Variants in IARS1 observed in about 807,000 individuals in gnomAD.
IARS1 encodes isoleucyl-tRNA synthetase 1.
A neutral mutation model predicts 168.2 loss-of-function variants in IARS1; 124 were observed. The ratio of observed to expected loss-of-function variants is 0.74; its 90% confidence interval spans 0.64 to 0.86. The LOEUF (loss-of-function observed/expected upper bound fraction) is 0.86. Ranked by LOEUF, IARS1 falls within the 40% of genes least tolerant of loss-of-function variation. The pLI, the probability that IARS1 is intolerant of heterozygous loss-of-function variation, is 0.00. For missense variants in IARS1, 1,452 were observed against 1,515.8 expected, an observed-to-expected ratio of 0.96 and a Z score of 0.70; for synonymous variants, 532 against 529.4, an observed-to-expected ratio of 1.00 and a Z score of -0.07.
At chr9:92,271,392 T>C in intron 11 of IARS1, 141 bp downstream of exon 11, 1 of 1,055,194 alleles carries the variant, frequency 9.5e-7, no homozygotes, top group Non-Finnish European at 1.4e-6. Flanking sequence ...ACGTAACTGA[T>C]AACATCTGTC....
chr9:92,293,171 C>G (rs1232737721), intron 1 of IARS1, among the ~76,000 whole-genome samples: 3 of 152,156 alleles, frequency 2.0e-5, no homozygotes, highest in African/African-American at 7.2e-5. Context: ...AACATAGACT[C>G]CACAGGTATA....
At chr9:92,256,919 A>C (rs1830814250) in intron 19 of IARS1, 119 bp from the exon 20 acceptor site, 1 of 884,560 alleles carries the variant, frequency 1.1e-6, no homozygotes, top group Non-Finnish European at 1.6e-6. Flanking sequence ...CCCTACTGGC[A>C]ATGTGAATTT....
chr9:92,251,084 G>T (rs1450371708), intron 22 of IARS1: 1 of 530,640 alleles, frequency 1.9e-6, no homozygotes, highest in Admixed American at 2.2e-5. Context: ...AGAAACAGGA[G>T]CACCTAATGA....
chr9:92,221,769 C>T (rs905826957), intron 33 of IARS1, among the ~76,000 whole-genome samples: 1 of 152,144 alleles, frequency 6.6e-6, no homozygotes, highest in South Asian at 2.1e-4. Flanking sequence ...TCTAGCTCTT[C>T]ACAGTGTTAC....
rs911229752 is a variant in IARS1 at position 92,253,291 on chromosome 9, C to T, written c.2229+71G>A. The T allele has an allele frequency of 1.1e-5, 10 of 925,326 alleles. No individual in the cohort carries two copies. The South Asian group carries it at 1.3e-4, about 12-fold the overall frequency. 57.3% of individuals were successfully genotyped at this position (925,326 alleles called of 1,614,324 possible). On this transcript the variant is annotated intron_variant, in intron 21 of 33. Transcript: ENST00000443024. ...CTGAAAATGTTCCTCTCCCTTCTGG[C>T]TATTCTCATATTTCTTCTACTTTCA...
At chr9:92,253,127 T>C (rs1336676254) in intron 21 of IARS1, among the ~76,000 whole-genome samples, 2 of 152,186 alleles carry the variant, frequency 1.3e-5, no homozygotes, top group African/African-American at 2.4e-5. Flanking sequence ...CCCTCCAATA[T>C]GACATGTACA....
At position 92,221,297 on chromosome 9, in the gene IARS1, G is replaced by A. The variant is rs75149732; in HGVS notation, c.3706+1223C>T. On this transcript the variant is annotated intron_variant, in intron 33 of 33. Coordinates refer to ENST00000443024, the MANE Select transcript of IARS1 (RefSeq NM_002161.6). The stretch of plus-strand genomic sequence containing the variant: ...AGAATACCAGAGAGAATGAATAAGA[G>A]GTAAGTTGGACAAGATAATGTCTGG... 4.5e-3 allele frequency among the ~76,000 whole-genome samples: 670 copies of A among 149,368 alleles called. 4 individuals are homozygous for A. Among genetic ancestry groups the A allele is most frequent in the African/African-American group, 0.014 (579 of 40,602 alleles).
chr9:92,264,814 CT>C, intron 16 of IARS1, 114 bp downstream of exon 16: 2 of 920,824 alleles, frequency 2.2e-6, no homozygotes, highest in East Asian at 2.7e-5. Context: ...TGTAGCCTGT[CT>C]TATTTGCCAC....
Position 92,293,682 on chromosome 9 carries a change from C to G in IARS1, c.-79G>C. 3.7e-6 allele frequency: 1 copy of G among 273,446 alleles called. No homozygotes were observed. Among genetic ancestry groups the G allele is most frequent in the South Asian group, 3.6e-5 (1 of 27,578 alleles). The allele number at this position is 273,446 out of a possible 1,614,324, so 16.9% of individuals were successfully genotyped here. ...AAAAGCAACTCATCCGGCGTCCACG[C>G]TGCAACCGGGCGCACGGAGGTGATG... On this transcript the variant is annotated 5_prime_UTR_variant, in exon 1 of 34. Coordinates refer to ENST00000443024, the MANE Select transcript of IARS1 (RefSeq NM_002161.6).
At chr9:92,227,984 C>T (rs1349349114) in intron 31 of IARS1, among the ~76,000 whole-genome samples, 5 of 151,960 alleles carry the variant, frequency 3.3e-5, no homozygotes, top group African/African-American at 4.8e-5. Flanking sequence ...CCAAGGCAGG[C>T]GGCTGGGAGA....
At chr9:92,269,792 G>A in intron 13 of IARS1, 93 bp downstream of exon 13, 1 of 783,442 alleles carries the variant, frequency 1.3e-6, no homozygotes, top group Non-Finnish European at 2.2e-6. Flanking sequence ...AATAAAAGAT[G>A]GGTTATTAAA....
chr9:92,230,770 C>T (rs1404800645), intron 30 of IARS1, among the ~76,000 whole-genome samples: 1 of 152,202 alleles, frequency 6.6e-6, no homozygotes, highest in East Asian at 1.9e-4. Context: ...GCTGTCACTA[C>T]TTGCAATTTT....
intron 30 of IARS1, among the ~76,000 whole-genome samples, chr9:92,234,513 T>G (rs552997847): frequency 1.4e-3 from 211 of 152,192 alleles, no homozygotes; most frequent in African/African-American, 4.8e-3. Flanking sequence ...AGTCCTGGAG[T>G]TGGTAGATGG....
intron 6 of IARS1, among the ~76,000 whole-genome samples, chr9:92,282,830 A>G (rs894486585): frequency 2.1e-5 from 3 of 144,858 alleles, no homozygotes; most frequent in Non-Finnish European, 4.5e-5. Flanking sequence ...ACATATATAC[A>G]TACACACACA....
intron 16 of IARS1, among the ~76,000 whole-genome samples, chr9:92,264,105 C>T (rs779399791): frequency 3.9e-5 from 6 of 152,040 alleles, no homozygotes; most frequent in South Asian, 2.1e-4. Flanking sequence ...GAGGCTGAGA[C>T]GGGTGGGTCA....
chr9:92,260,055 A>T, intron 18 of IARS1, 96 bp downstream of exon 18: 1 of 841,104 alleles, frequency 1.2e-6, no homozygotes, highest in Non-Finnish European at 2.0e-6. Flanking sequence ...CTAAAAACCT[A>T]ACTATAAACC....
intron 10 of IARS1, among the ~76,000 whole-genome samples, chr9:92,272,317 C>T (rs1833158216): frequency 6.6e-6 from 1 of 152,208 alleles, no homozygotes; most frequent in Non-Finnish European, 1.5e-5. Context: ...TCTCCCTGTG[C>T]TGAGGCTGAC....
intron 30 of IARS1, 46 bp from the exon 31 acceptor site, chr9:92,229,172 A>G (rs1282292822): frequency 5.0e-6 from 8 of 1,590,624 alleles, no homozygotes; most frequent in Non-Finnish European, 6.8e-6. Context: ...AATAAAACTA[A>G]AAAGAAAATG....
Position 92,269,913 on chromosome 9 carries a change from G to A in IARS1, c.1276C>T (p.Leu426Phe). The change falls in exon 13 of 34, where the codon CTC (leucine) becomes TTC (phenylalanine). Residue 426 changes from leucine (L) to phenylalanine (F), a missense_variant. Transcript: ENST00000443024. The stretch of plus-strand genomic sequence containing the variant: ...TAGCACAGGTCATTGTTCCTTAGGA[G>A]CTGGTCCACCATGTTCTCCACTCGC... Reference protein sequence around the residue: ...FVRVENMVDQLLRNNDLCYWV... With the variant: ...FVRVENMVDQFLRNNDLCYWV... The A allele has an allele frequency of 6.2e-7, 1 of 1,613,418 alleles. No homozygotes were observed. Among genetic ancestry groups the A allele is most frequent in the Non-Finnish European group, 8.5e-7 (1 of 1,179,394 alleles).
Sources: allele counts gnomAD v4.1 joint callset (sites outside exome capture counted in the v4.1 genomes callset), GRCh38; gene constraint gnomAD v4.1.1; transcripts MANE v1.5; gene names NCBI Gene and HGNC (gene_info 2026-07-23, HGNC 2026-07-21).